Variants in DLGAP1 observed in about 807,000 individuals in gnomAD.
DLGAP1 encodes DLG associated protein 1.
A neutral mutation model predicts 90.8 loss-of-function variants in DLGAP1; 11 were observed. The observed-to-expected ratio is 0.12, with a 90% confidence interval of 0.08 to 0.20. The LOEUF is 0.20. Ranked by LOEUF, DLGAP1 falls within the 10% of genes least tolerant of loss-of-function variation. DLGAP1 has a pLI of 1.00. For synonymous variants in DLGAP1, 558 were observed against 540.7 expected (o/e 1.03, Z -0.44); for missense variants, 1,050 against 1,333.8 (o/e 0.79, Z 3.31).
chr18:3,874,312 T>C (rs561856554), intron 4 of DLGAP1: 231 of 1,539,338 alleles, frequency 1.5e-4, no homozygotes, highest in South Asian at 1.0e-3. Flanking sequence ...TGTCTCTCTC[T>C]CTCCACTTCT....
chr18:4,351,844 A>G (rs2081409034), intron 1 of DLGAP1, among the ~76,000 whole-genome samples: 2 of 152,228 alleles, frequency 1.3e-5, no homozygotes, highest in Admixed American at 1.3e-4. Context: ...AAAATTAATA[A>G]CCTTGCTCTA....
intron 6 of DLGAP1, 61 bp downstream of exon 6, chr18:3,742,274 A>G (rs2063087203): frequency 3.8e-6 from 6 of 1,579,630 alleles, no homozygotes; most frequent in Middle Eastern, 1.9e-4. Context: ...TGCCCTCTCA[A>G]TTCTCACTAA....
chr18:3,812,476 T>C (rs1568175694), intron 5 of DLGAP1, among the ~76,000 whole-genome samples: 1 of 152,148 alleles, frequency 6.6e-6, no homozygotes, highest in African/African-American at 2.4e-5. Context: ...AATGTGACCT[T>C]ATCTGGAAAT....
intron 2 of DLGAP1, among the ~76,000 whole-genome samples, chr18:4,102,365 T>G: frequency 6.6e-6 from 1 of 152,182 alleles, no homozygotes; most frequent in East Asian, 1.9e-4. Context: ...CTTTAGTCAT[T>G]TTATTACAAG....
At chr18:4,144,003 C>A (rs1206659732) in intron 2 of DLGAP1, among the ~76,000 whole-genome samples, 2 of 152,132 alleles carry the variant, frequency 1.3e-5, no homozygotes, top group Admixed American at 6.5e-5. Flanking sequence ...CCTCTTTACT[C>A]TTCCTTCTCC....
At chr18:4,001,083 T>C (rs1454807025) in intron 3 of DLGAP1, among the ~76,000 whole-genome samples, 1 of 149,848 alleles carries the variant, frequency 6.7e-6, no homozygotes, top group Non-Finnish European at 1.5e-5. Context: ...TTTTCATATG[T>C]ATGTTTTAAA....
At chr18:4,164,352 T>G (rs1307218933) in intron 1 of DLGAP1, among the ~76,000 whole-genome samples, 1 of 151,904 alleles carries the variant, frequency 6.6e-6, no homozygotes, top group African/African-American at 2.4e-5. Context: ...ATCTGATGGG[T>G]TTAAAACAGC....
intron 10 of DLGAP1, among the ~76,000 whole-genome samples, chr18:3,513,837 C>T (rs2050677919): frequency 6.6e-6 from 1 of 152,122 alleles, no homozygotes; most frequent in East Asian, 1.9e-4. Context: ...CCTCCTCTTT[C>T]CCACTGACCT....
intron 7 of DLGAP1, among the ~76,000 whole-genome samples, chr18:3,633,064 G>A (rs1262262449): frequency 6.6e-6 from 1 of 152,104 alleles, no homozygotes; most frequent in Non-Finnish European, 1.5e-5. Context: ...GGCAAGTTTT[G>A]GGCTTTAAAG....
intron 7 of DLGAP1, among the ~76,000 whole-genome samples, chr18:3,713,135 C>A (rs2061649265): frequency 1.3e-5 from 2 of 152,222 alleles, no homozygotes; most frequent in South Asian, 4.1e-4. Context: ...ACAAGTACAG[C>A]CTGGGTTCGT....
chr18:3,723,564 G>C (rs183240366), intron 7 of DLGAP1, among the ~76,000 whole-genome samples: 81 of 151,444 alleles, frequency 5.3e-4, no homozygotes, highest in Non-Finnish European at 1.0e-3. Context: ...GGGTTTGTGT[G>C]GGGGGGGAGT....
intron 7 of DLGAP1, among the ~76,000 whole-genome samples, chr18:3,684,775 GA>G (rs35491987): frequency 0.43 from 65,025 of 151,640 alleles, 15,073 homozygotes; most frequent in African/African-American, 0.61. Context: ...GATGAAACAG[GA>G]AAAAAAATGT....
At chr18:3,935,226 G>A (rs2072607522) in intron 3 of DLGAP1, among the ~76,000 whole-genome samples, 1 of 152,166 alleles carries the variant, frequency 6.6e-6, no homozygotes, top group African/African-American at 2.4e-5. Flanking sequence ...CTCATTTTAT[G>A]GGTGCTTGGA....
rs1258791414 is a variant in DLGAP1, at chr18:3,600,907, TATAG to T, written c.1592-18663_1592-18660del. On this transcript the variant is annotated intron_variant, in intron 7 of 12. Coordinates refer to ENST00000315677, the MANE Select transcript of DLGAP1 (RefSeq NM_004746.4). ...ATAGATATATAGATATATATAGATA[TATAG>T]ATAGATATAGATATATATAGATATA... Among the ~76,000 whole-genome samples, 199 of 112,300 alleles carry T rather than the reference TATAG, an allele frequency of 1.8e-3. 18 individuals are homozygous for T. Among genetic ancestry groups the T allele is most frequent in the African/African-American group, 4.6e-3 (149 of 32,092 alleles). 73.7% of individuals were successfully genotyped at this position (112,300 alleles called of 152,430 possible).
intron 5 of DLGAP1, among the ~76,000 whole-genome samples, chr18:3,805,430 G>A (rs1598821381): frequency 6.6e-6 from 1 of 152,222 alleles, no homozygotes. Flanking sequence ...AGTTGGAGCA[G>A]AGAGAGGCTG....
At chr18:3,707,501 G>A (rs2061470561) in intron 7 of DLGAP1, among the ~76,000 whole-genome samples, 2 of 151,958 alleles carry the variant, frequency 1.3e-5, no homozygotes, top group African/African-American at 4.8e-5. Flanking sequence ...TCAGGAGGCT[G>A]AGACAGGAGA....
intron 3 of DLGAP1, among the ~76,000 whole-genome samples, chr18:3,881,755 T>C (rs1479046672): frequency 2.0e-5 from 3 of 151,966 alleles, no homozygotes; most frequent in Non-Finnish European, 1.5e-5. Context: ...CTTCTAAAAA[T>C]ACAAAAAATT....
chr18:3,841,754 C>T (rs1244719088), intron 4 of DLGAP1, among the ~76,000 whole-genome samples: 1 of 152,166 alleles, frequency 6.6e-6, no homozygotes. Context: ...GTTTCTGCAA[C>T]CTCAGCAAGA....
intron 2 of DLGAP1, among the ~76,000 whole-genome samples, chr18:4,012,657 G>A (rs2074446886): frequency 6.6e-6 from 1 of 151,820 alleles, no homozygotes; most frequent in African/African-American, 2.4e-5. Context: ...TTTGACATTT[G>A]TCTTTTTCTT....
Sources: gnomAD v4.1 joint callset for allele counts (sites outside exome capture counted in the v4.1 genomes callset) on GRCh38, gnomAD v4.1.1 for gene constraint, MANE v1.5 for transcripts, NCBI Gene and HGNC (gene_info 2026-07-23, HGNC 2026-07-21) for gene names.